Variants in SESTD1 observed in about 807,000 individuals in gnomAD.
The protein encoded by SESTD1 is SEC14 and spectrin domain containing 1.
SESTD1 carries 43 observed loss-of-function variants against 101.7 expected under a neutral mutation model. That is an observed-to-expected ratio of 0.42 (90% confidence interval 0.33 to 0.55). The LOEUF (loss-of-function observed/expected upper bound fraction) is 0.55, where lower values mean the gene tolerates loss of function less well. Among genes scored for constraint, SESTD1 ranks in the 20% least tolerant of loss-of-function variants. The pLI is 0.07. For missense variants in SESTD1, 647 were observed against 815.1 expected, an observed-to-expected ratio of 0.79 and a Z score of 2.51; for synonymous variants, 283 against 286.8, an observed-to-expected ratio of 0.99 and a Z score of 0.13.
intron 2 of SESTD1, among the ~76,000 whole-genome samples, chr2:179,185,591 G>A (rs2046205342): frequency 8.0e-6 from 1 of 125,484 alleles, no homozygotes; most frequent in Admixed American, 8.6e-5. Context: ...ATTATATATT[G>A]TATATTATAT....
intron 7 of SESTD1, among the ~76,000 whole-genome samples, chr2:179,149,059 CAAAAAAAAAAAAAAAAAAA>C (rs66636048): frequency 3.3e-5 from 2 of 60,414 alleles, no homozygotes; most frequent in Non-Finnish European, 6.1e-5. Context: ...GACTCCGTCT[CAAAAAAAAAAAAAAAAAAA>C]AAAAAAAAAA....
intron 1 of SESTD1, among the ~76,000 whole-genome samples, chr2:179,225,910 T>C (rs2046879567): frequency 6.6e-6 from 1 of 152,124 alleles, no homozygotes; most frequent in Non-Finnish European, 1.5e-5. Flanking sequence ...TTGGGGGACA[T>C]TCAGACCATA....
At chr2:179,252,094 A>G (rs1029617012) in intron 1 of SESTD1, among the ~76,000 whole-genome samples, 1 of 152,220 alleles carries the variant, frequency 6.6e-6, no homozygotes, top group Non-Finnish European at 1.5e-5. Context: ...AGTAACTGAT[A>G]GGCTTAAATA....
chr2:179,228,032 A>G (rs1411853056), intron 1 of SESTD1, among the ~76,000 whole-genome samples: 1 of 152,158 alleles, frequency 6.6e-6, no homozygotes, highest in Non-Finnish European at 1.5e-5. Context: ...ACTAGAAGTG[A>G]GACAATCATC....
At chr2:179,137,274 T>C (rs752565921) in intron 9 of SESTD1, among the ~76,000 whole-genome samples, 6 of 152,220 alleles carry the variant, frequency 3.9e-5, no homozygotes, top group Non-Finnish European at 7.3e-5. Flanking sequence ...CTATCCATGC[T>C]TCTTGCATGG....
chr2:179,260,605 G>A (rs190846669), intron 1 of SESTD1, among the ~76,000 whole-genome samples: 258 of 152,284 alleles, frequency 1.7e-3, no homozygotes, highest in South Asian at 0.016. Context: ...TTAAAGGGCA[G>A]ATATTTTAAA....
intron 1 of SESTD1, among the ~76,000 whole-genome samples, chr2:179,218,670 T>C (rs1412611493): frequency 6.6e-6 from 1 of 152,216 alleles, no homozygotes; most frequent in Non-Finnish European, 1.5e-5. Context: ...ACAGGGAGAC[T>C]AGGTTTCCAT....
Position 179,214,571 on chromosome 2 carries a change from C to T in SESTD1, c.-25-22705G>A, listed in dbSNP as rs936644947. Among the ~76,000 whole-genome samples the T allele has an allele frequency of 3.7e-5, 5 of 134,148 alleles. 1 individual carries two copies. Among genetic ancestry groups the T allele is most frequent in the East Asian group, 2.0e-4 (1 of 5,018 alleles). The allele number at this position is 134,148 out of a possible 152,430, so 88.0% of individuals were successfully genotyped here. On this transcript the variant is annotated intron_variant, in intron 1 of 17. Transcript: ENST00000428443. ...TTAACACCCCACTGTCAATACTGGA[C>T]GGATCAACGAGACAGAAAGTTAACA...
At chr2:179,239,226 AAT>A (rs754698714) in intron 1 of SESTD1, among the ~76,000 whole-genome samples, 4 of 152,194 alleles carry the variant, frequency 2.6e-5, no homozygotes, top group African/African-American at 2.4e-5. Context: ...TAAAAAAATG[AAT>A]AGAGAATTTT....
At chr2:179,132,972 C>G (rs1295018201) in intron 9 of SESTD1, among the ~76,000 whole-genome samples, 1 of 152,180 alleles carries the variant, frequency 6.6e-6, no homozygotes, top group Non-Finnish European at 1.5e-5. Context: ...TAATATACCA[C>G]TTTATCACTT....
At chr2:179,227,552 T>C (rs745407421) in intron 1 of SESTD1, among the ~76,000 whole-genome samples, 7 of 152,198 alleles carry the variant, frequency 4.6e-5, no homozygotes, top group Non-Finnish European at 8.8e-5. Context: ...TTTGAACAAA[T>C]AGTATTTTTT....
intron 1 of SESTD1, among the ~76,000 whole-genome samples, chr2:179,230,137 T>C (rs2046964717): frequency 1.3e-5 from 1 of 79,356 alleles, no homozygotes; most frequent in Non-Finnish European, 2.5e-5. Context: ...TTTTTTTTTT[T>C]TTTTTTTTTT....
chr2:179,250,445 G>T (rs1291389301), intron 1 of SESTD1, among the ~76,000 whole-genome samples: 1 of 152,114 alleles, frequency 6.6e-6, no homozygotes, highest in Non-Finnish European at 1.5e-5. Flanking sequence ...CTACAGACTG[G>T]GTAGTTTAAA....
chr2:179,164,071 T>C (rs1297007307), intron 5 of SESTD1, among the ~76,000 whole-genome samples: 2 of 152,198 alleles, frequency 1.3e-5, no homozygotes, highest in African/African-American at 4.8e-5. Flanking sequence ...CCTTTGTATG[T>C]ATTTCTGCAC....
chr2:179,146,012 C>T (rs1406251657), intron 8 of SESTD1, among the ~76,000 whole-genome samples: 1 of 151,286 alleles, frequency 6.6e-6, no homozygotes, highest in Non-Finnish European at 1.5e-5. Flanking sequence ...TTCCCCCCAC[C>T]CCCACCCTGG....
intron 1 of SESTD1, among the ~76,000 whole-genome samples, chr2:179,222,206 G>T (rs13422693): frequency 0.011 from 1,735 of 152,278 alleles, 28 homozygotes; most frequent in African/African-American, 0.037. Flanking sequence ...GTTCCAAAGA[G>T]TTGTTCTCCC....
At chr2:179,241,493 A>T (rs2047152560) in intron 1 of SESTD1, among the ~76,000 whole-genome samples, 1 of 152,168 alleles carries the variant, frequency 6.6e-6, no homozygotes, top group Non-Finnish European at 1.5e-5. Flanking sequence ...GAGAAAACAA[A>T]AATAATTCAA....
intron 2 of SESTD1, among the ~76,000 whole-genome samples, chr2:179,183,429 T>C (rs1441114386): frequency 6.6e-6 from 1 of 152,168 alleles, no homozygotes; most frequent in Non-Finnish European, 1.5e-5. Flanking sequence ...AATATCACTT[T>C]ATTTAAATTT....
At chr2:179,158,780 A>G (rs968324472) in intron 5 of SESTD1, among the ~76,000 whole-genome samples, 6 of 152,224 alleles carry the variant, frequency 3.9e-5, no homozygotes, top group Non-Finnish European at 7.3e-5. Flanking sequence ...GGCTATTAAA[A>G]GTTAAAACAG....
Sources: gnomAD v4.1 joint callset for allele counts (sites outside exome capture counted in the v4.1 genomes callset) on GRCh38, gnomAD v4.1.1 for gene constraint, MANE v1.5 for transcripts, NCBI Gene and HGNC (gene_info 2026-07-23, HGNC 2026-07-21) for gene names.